The following KIAA1217 variants were observed in gnomAD, a reference collection of about 807,000 sequenced individuals.
KIAA1217 encodes the protein KIAA1217, also known as sickle tail protein homolog.
In KIAA1217, 88 loss-of-function variants were observed where a neutral mutation model predicts 163.9. The observed-to-expected ratio is 0.54, with a 90% CI of 0.45 to 0.64. The LOEUF is 0.64. KIAA1217 is among the 30% of genes least tolerant of loss of function. The pLI, the probability that KIAA1217 is intolerant of heterozygous loss-of-function variation, is 0.00. For missense variants in KIAA1217, 2,372 were observed against 2,475.0 expected (o/e 0.96, Z 0.88); for synonymous variants, 903 against 923.1 (o/e 0.98, Z 0.39).
chr10:23,705,374 T>C (rs190694440), intron 1 of KIAA1217, among the ~76,000 whole-genome samples: 1 of 152,296 alleles, frequency 6.6e-6, no homozygotes, highest in East Asian at 1.9e-4. Context: ...CTAAAAGTTT[T>C]GTAATTTTAG....
At chr10:24,302,164 G>A (rs2041439344) in intron 2 of KIAA1217, among the ~76,000 whole-genome samples, 2 of 152,182 alleles carry the variant, frequency 1.3e-5, no homozygotes, top group South Asian at 4.1e-4. Context: ...TTTGTAAAAA[G>A]CATACAGTTT....
intron 5 of KIAA1217, chr10:24,466,689 G>C: frequency 1.0e-6 from 1 of 985,450 alleles, no homozygotes; most frequent in Non-Finnish European, 1.2e-6. Context: ...GTGCAACCAA[G>C]GATTTAGATG....
Position 24,473,965 on chromosome 10 carries a change from A to C in KIAA1217, c.1584A>C (p.Ala528=). ...LVYIEKPRSA[A]GLSSLVDLGP... Reference sequence around the variant, plus strand: ...ATATAGAAAAGCCACGGAGCGCTGCAGGATTATCCAGCCTTGTAGACCTCG... The same window carrying C: ...ATATAGAAAAGCCACGGAGCGCTGCCGGATTATCCAGCCTTGTAGACCTCG... Residue 528 remains alanine (A), a synonymous_variant, in exon 6 of 21, where the codon GCA becomes GCC. Coordinates refer to ENST00000376454, the MANE Select transcript of KIAA1217 (RefSeq NM_019590.5). 1.2e-6 allele frequency: 2 copies of C among 1,614,210 alleles called. No homozygotes were observed. The highest frequency in any genetic ancestry group is 2.2e-5 in the South Asian group (2 of 91,090).
chr10:24,060,198 AATC>A (rs1461115097), intron 2 of KIAA1217, among the ~76,000 whole-genome samples: 3 of 151,190 alleles, frequency 2.0e-5, no homozygotes, highest in Non-Finnish European at 4.4e-5. Flanking sequence ...TTTCTGTTCT[AATC>A]TTTATTTCCT....
At chr10:24,481,702 A>G (rs1002809098) in intron 6 of KIAA1217, 2 of 152,344 alleles carry the variant, frequency 1.3e-5, no homozygotes, top group African/African-American at 2.4e-5. Flanking sequence ...CAAGCCTGCC[A>G]TAATTTGGGG....
intron 1 of KIAA1217, among the ~76,000 whole-genome samples, chr10:23,966,441 G>A (rs1467866203): frequency 6.6e-6 from 1 of 152,098 alleles, no homozygotes; most frequent in African/African-American, 2.4e-5. Flanking sequence ...AACCCACCAG[G>A]GTGGGCTGCC....
At position 24,213,532 on chromosome 10, in the gene KIAA1217, G is replaced by A. The variant is rs191242840; in HGVS notation, c.70+4269G>A. Among the ~76,000 whole-genome samples the A allele has an allele frequency of 1.3e-3, 195 of 150,670 alleles. 1 individual carries two copies. The highest frequency in any genetic ancestry group is 4.6e-3 in the African/African-American group (187 of 40,772). Reference sequence around the variant, plus strand: ...CGTTTCATTCTTCAAAGCACTTACCGTTACATGACATTTAGAGTCTATATG... The same window carrying A: ...CGTTTCATTCTTCAAAGCACTTACCATTACATGACATTTAGAGTCTATATG... On this transcript the variant is annotated intron_variant, in intron 1 of 20. Coordinates refer to ENST00000376454, the MANE Select transcript of KIAA1217 (RefSeq NM_019590.5).
intron 1 of KIAA1217, among the ~76,000 whole-genome samples, chr10:23,863,437 C>A (rs1237948164): frequency 6.6e-6 from 1 of 152,088 alleles, no homozygotes; most frequent in African/African-American, 2.4e-5. Flanking sequence ...GATTAAGACC[C>A]TTTCAAAAGA....
At chr10:24,505,613 T>C (rs533288519) in intron 9 of KIAA1217, among the ~76,000 whole-genome samples, 1 of 152,058 alleles carries the variant, frequency 6.6e-6, no homozygotes, top group African/African-American at 2.4e-5. Context: ...ATGGTACAGG[T>C]TCTGTGGAGG....
intron 2 of KIAA1217, among the ~76,000 whole-genome samples, chr10:24,045,927 A>G (rs2131568923): frequency 6.6e-6 from 1 of 152,240 alleles, no homozygotes; most frequent in South Asian, 2.1e-4. Flanking sequence ...GAATTTTTTC[A>G]TGATACAAAC....
At chr10:24,194,007 C>T (rs1195701495) in intron 2 of KIAA1217, among the ~76,000 whole-genome samples, 2 of 151,770 alleles carry the variant, frequency 1.3e-5, no homozygotes, top group East Asian at 1.9e-4. Flanking sequence ...GCCAACATGG[C>T]GAAACCCCAT....
At chr10:23,778,394 T>G (rs2130896379) in intron 1 of KIAA1217, among the ~76,000 whole-genome samples, 1 of 152,370 alleles carries the variant, frequency 6.6e-6, no homozygotes, top group South Asian at 2.1e-4. Flanking sequence ...AATAGACATA[T>G]GCCCATGATC....
intron 2 of KIAA1217, among the ~76,000 whole-genome samples, chr10:24,296,548 T>G (rs1189798234): frequency 6.6e-6 from 1 of 152,176 alleles, no homozygotes; most frequent in Non-Finnish European, 1.5e-5. Context: ...ATAAATCACA[T>G]TAAAAGCTGA....
chr10:24,465,295 A>G (rs1210636960), intron 5 of KIAA1217, among the ~76,000 whole-genome samples: 2 of 152,200 alleles, frequency 1.3e-5, no homozygotes, highest in African/African-American at 4.8e-5. Flanking sequence ...TCCTAGTGAG[A>G]CATCTTAGGA....
chr10:23,855,333 A>T (rs899834159), intron 1 of KIAA1217, among the ~76,000 whole-genome samples: 1 of 152,140 alleles, frequency 6.6e-6, no homozygotes, highest in South Asian at 2.1e-4. Flanking sequence ...AAGAATGTTG[A>T]ATATTGGCCC....
Position 23,877,768 on chromosome 10 carries a change from ATC to A in KIAA1217, c.-320-129451_-320-129450del, listed in dbSNP as rs1036196662. 7.9e-5 allele frequency among the ~76,000 whole-genome samples: 12 copies of A among 152,078 alleles called. 1 individual carries two copies. The highest frequency in any genetic ancestry group is 7.2e-4 in the Admixed American group (11 of 15,254). ...CTTGAATATAAAATAGGCTTTTAAA[ATC>A]TCTCTTCTTAGTTGGCTAGCATCTG... On this transcript the variant is annotated intron_variant, in intron 1 of 18. Transcript: ENST00000376462.
chr10:24,100,037 G>T (rs570333947), intron 2 of KIAA1217, among the ~76,000 whole-genome samples: 4 of 152,100 alleles, frequency 2.6e-5, no homozygotes, highest in South Asian at 4.2e-4. Flanking sequence ...TACTGGGACA[G>T]CCCTTTTCTT....
intron 2 of KIAA1217, among the ~76,000 whole-genome samples, chr10:24,011,168 C>T (rs1389292384): frequency 6.6e-6 from 1 of 152,060 alleles, no homozygotes; most frequent in Non-Finnish European, 1.5e-5. Flanking sequence ...ACCTCCAGAA[C>T]ATTGGATAGG....
intron 2 of KIAA1217, among the ~76,000 whole-genome samples, chr10:24,074,578 A>G (rs987596193): frequency 3.0e-4 from 45 of 152,314 alleles, no homozygotes; most frequent in Non-Finnish European, 3.7e-4. Context: ...AAAAGGGCAG[A>G]GAAAGGAGAG....
Sources: gnomAD v4.1 joint callset for allele counts (sites outside exome capture counted in the v4.1 genomes callset) on GRCh38, gnomAD v4.1.1 for gene constraint, MANE v1.5 for transcripts, NCBI Gene and HGNC (gene_info 2026-07-23, HGNC 2026-07-21) for gene names.